The following DIP2C variants were observed in gnomAD, a reference collection of about 807,000 sequenced individuals.
DIP2C encodes the protein disco-interacting protein 2 homolog C.
DIP2C carries 33 observed loss-of-function variants against 192.4 expected under a neutral mutation model. The observed-to-expected ratio is 0.17, with a 90% CI of 0.13 to 0.23. The LOEUF (loss-of-function observed/expected upper bound fraction) is 0.23, where lower values mean the gene tolerates loss of function less well. DIP2C is among the 10% of genes least tolerant of loss of function. The pLI is 1.00. For synonymous variants in DIP2C, 979 were observed against 864.1 expected (o/e 1.13, Z -2.33); for missense variants, 1,537 against 2,110.1 (o/e 0.73, Z 5.32).
intron 1 of DIP2C, among the ~76,000 whole-genome samples, chr10:539,412 G>A (rs1847859392): frequency 6.6e-6 from 1 of 152,150 alleles, no homozygotes; most frequent in South Asian, 2.1e-4. Context: ...TAGGTGTTAT[G>A]AGCAATCTTG....
chr10:281,335 T>TGACA lies in DIP2C; in HGVS notation c.4295-16_4295-13dup. 6.2e-7 allele frequency: 1 copy of TGACA among 1,600,346 alleles called. No homozygotes were observed. Among genetic ancestry groups the TGACA allele is most frequent in the Non-Finnish European group, 8.5e-7 (1 of 1,170,050 alleles). ...GGCATCATGGCGCTCTGTGGAGTAA[T>TGACA]GACAGCCTGCGTAAGCTTCCCCATA... On this transcript the variant is annotated splice_polypyrimidine_tract_variant and intron_variant, in intron 35 of 36. Transcript: ENST00000280886.
intron 1 of DIP2C, among the ~76,000 whole-genome samples, chr10:577,038 C>G (rs1042687457): frequency 1.3e-5 from 2 of 152,184 alleles, no homozygotes; most frequent in Non-Finnish European, 2.9e-5. Context: ...TCGTTACAAT[C>G]TTGTATATCT....
intron 14 of DIP2C, among the ~76,000 whole-genome samples, chr10:385,653 C>T (rs756413321): frequency 6.6e-6 from 1 of 152,198 alleles, no homozygotes; most frequent in Non-Finnish European, 1.5e-5. Context: ...CTAGTACCTG[C>T]ACGCTGCTGC....
chr10:393,520 G>C (rs1003894930), intron 10 of DIP2C, among the ~76,000 whole-genome samples: 10 of 152,170 alleles, frequency 6.6e-5, no homozygotes, highest in Non-Finnish European at 1.5e-4. Context: ...GCTCAGGCCT[G>C]TAATCCCAGC....
Position 636,539 on chromosome 10 carries a change from C to A in DIP2C, c.85+52955G>T, listed in dbSNP as rs539917000. ...GCGTTCCCTAAGAATAAAGGACCCT[C>A]TGCAGCCGCAGAACCATCATCGGCA... is the stretch of plus-strand genomic sequence containing the variant. On this transcript the variant is annotated intron_variant, in intron 1 of 36. Transcript: ENST00000280886. This position sits in a 1 kb window ranked among gnomAD's most constrained non-coding sequence, Gnocchi z 4.6. Among the ~76,000 whole-genome samples the A allele has an allele frequency of 1.3e-5, 2 of 152,308 alleles. No homozygotes were observed. Among genetic ancestry groups the A allele is most frequent in the South Asian group, 4.1e-4 (2 of 4,822 alleles).
intron 4 of DIP2C, among the ~76,000 whole-genome samples, chr10:434,046 T>C (rs762699212): frequency 2.6e-5 from 4 of 152,224 alleles, no homozygotes; most frequent in African/African-American, 4.8e-5. Flanking sequence ...AATGACACTA[T>C]ACTGCTTTCT....
chr10:550,787 C>A (rs988536857), intron 1 of DIP2C, among the ~76,000 whole-genome samples: 9 of 152,220 alleles, frequency 5.9e-5, no homozygotes, highest in Admixed American at 2.0e-4. Flanking sequence ...AAACAAGCAT[C>A]CCTTGACCAG....
At chr10:422,266 C>T (rs376589512) in intron 5 of DIP2C, among the ~76,000 whole-genome samples, 7 of 152,310 alleles carry the variant, frequency 4.6e-5, no homozygotes, top group South Asian at 2.1e-4. Flanking sequence ...CCGCTCCCCA[C>T]GTGCCAGCTC....
chr10:521,910 A>G (rs139497064), intron 1 of DIP2C, among the ~76,000 whole-genome samples: 1 of 151,992 alleles, frequency 6.6e-6, no homozygotes, highest in Non-Finnish European at 1.5e-5. Flanking sequence ...TGTCTGTACA[A>G]ATGACAGACC....
At chr10:526,258 G>A (rs1847044484) in intron 1 of DIP2C, among the ~76,000 whole-genome samples, 1 of 152,168 alleles carries the variant, frequency 6.6e-6, no homozygotes, top group Non-Finnish European at 1.5e-5. Context: ...AGTGGCTGTG[G>A]GCAGGGAGAT....
intron 2 of DIP2C, among the ~76,000 whole-genome samples, chr10:486,064 A>ATC (rs1843992031): frequency 6.6e-6 from 1 of 152,268 alleles, no homozygotes; most frequent in Non-Finnish European, 1.5e-5. Context: ...TGGGCGGGGT[A>ATC]TCACAGCACT....
chr10:337,801 G>GTGTGTTGTGGAGGCCTAGGCAGCTGTGTA (rs1491555539), intron 29 of DIP2C, among the ~76,000 whole-genome samples: 1 of 546 alleles, frequency 1.8e-3, no homozygotes, highest in Admixed American at 0.031. Flanking sequence ...GTGTGTGCAC[G>GTGTGTTGTGGAGGCCTAGGCAGCTGTGTA]TGTGTCGTGG....
intron 20 of DIP2C, 31 bp downstream of exon 20, chr10:364,339 GAAAC>G: frequency 6.3e-7 from 1 of 1,586,984 alleles, no homozygotes; most frequent in Non-Finnish European, 8.6e-7. Flanking sequence ...TGGCCGACCG[GAAAC>G]CATATGCTTG....
chr10:423,623 T>C (rs1457794360), intron 4 of DIP2C, among the ~76,000 whole-genome samples: 1 of 152,222 alleles, frequency 6.6e-6, no homozygotes, highest in Non-Finnish European at 1.5e-5. Context: ...TAGATACCCA[T>C]GCAGCTGATT....
chr10:586,738 T>C (rs1436695235), intron 1 of DIP2C, among the ~76,000 whole-genome samples: 1 of 152,240 alleles, frequency 6.6e-6, no homozygotes, highest in Non-Finnish European at 1.5e-5. Flanking sequence ...AGGTGACATC[T>C]GCAAGGCCAG....
intron 2 of DIP2C, among the ~76,000 whole-genome samples, 172 bp from the exon 3 acceptor site, chr10:472,721 C>T (rs978637977): frequency 1.3e-5 from 2 of 152,180 alleles, no homozygotes; most frequent in African/African-American, 4.8e-5. Context: ...GGAGGAAGCT[C>T]TCCCACCGCC....
At chr10:536,877 TTGAG>T (rs1185307135) in intron 1 of DIP2C, among the ~76,000 whole-genome samples, 2 of 152,266 alleles carry the variant, frequency 1.3e-5, no homozygotes, top group East Asian at 1.9e-4. Context: ...TGTGTTCTAC[TTGAG>T]TATCTCAAAG....
chr10:672,293 A>C (rs1343359524), intron 1 of DIP2C, among the ~76,000 whole-genome samples: 1 of 152,208 alleles, frequency 6.6e-6, no homozygotes, highest in Non-Finnish European at 1.5e-5. Context: ...AACAGGCCAC[A>C]CACGCACGCA....
intron 1 of DIP2C, among the ~76,000 whole-genome samples, chr10:569,194 C>A (rs1849634286): frequency 6.6e-6 from 1 of 152,184 alleles, no homozygotes; most frequent in Admixed American, 6.5e-5. Flanking sequence ...TTCCGTGGCC[C>A]ACAAGGCATA....
Sources: allele counts gnomAD v4.1 joint callset (sites outside exome capture counted in the v4.1 genomes callset), GRCh38; gene constraint gnomAD v4.1.1; non-coding constraint Gnocchi (gnomAD v3.1); transcripts MANE v1.5; gene names NCBI Gene and HGNC (gene_info 2026-07-23, HGNC 2026-07-21).